Variants in FIG4 observed in about 807,000 individuals in gnomAD.
FIG4 encodes FIG4 phosphoinositide 5-phosphatase.
A neutral mutation model predicts 118.6 loss-of-function variants in FIG4; 112 were observed. The ratio of observed to expected loss-of-function variants is 0.94; its 90% CI spans 0.81 to 1.11. The LOEUF (loss-of-function observed/expected upper bound fraction) is 1.11. FIG4 is among the 50% of genes least tolerant of loss of function. The pLI, the probability that FIG4 is intolerant of heterozygous loss-of-function variation, is 0.00. For missense variants in FIG4, 969 were observed against 1,111.7 expected, an observed-to-expected ratio of 0.87 and a Z score of 1.83; for synonymous variants, 369 against 381.2, an observed-to-expected ratio of 0.97 and a Z score of 0.37.
At position 109,763,927 on chromosome 6, in the gene FIG4, T is replaced by C; in HGVS notation, c.1389-10T>C. On this transcript the variant is annotated splice_polypyrimidine_tract_variant and intron_variant, in intron 12 of 22. Transcript: ENST00000230124. ...TTAAGTTTTTTAAAAGTGTTTATTT[T>C]TAAACACAGGTGGAATGAACTAGGA... The C allele has an allele frequency of 6.3e-7, 1 of 1,598,760 alleles. No individual in the cohort carries two copies. Among genetic ancestry groups the C allele is most frequent in the Non-Finnish European group, 8.6e-7 (1 of 1,166,030 alleles).
chr6:109,814,919 A>C (rs1778819027), intron 22 of FIG4, among the ~76,000 whole-genome samples: 4 of 152,194 alleles, frequency 2.6e-5, no homozygotes. Context: ...CACTGCCCCC[A>C]GGCCCACTCA....
At chr6:109,753,690 A>T (rs1776785959) in intron 10 of FIG4, among the ~76,000 whole-genome samples, 1 of 151,968 alleles carries the variant, frequency 6.6e-6, no homozygotes. Flanking sequence ...TAGGTATTTT[A>T]TTCTCTTTGA....
rs1286659527 is a variant in FIG4 at position 109,742,994 on chromosome 6, CAAAGAATAGGAATTATAACTTCATTG to C, written c.877-85_877-60del. Reference sequence around the variant, plus strand: ...ATCAATATTTACCTCTCAAGACTTTCAAAGAATAGGAATTATAACTTCATTGAAAGAATAGGAATTATAACTTCATT... The same window carrying C: ...ATCAATATTTACCTCTCAAGACTTTCAAAGAATAGGAATTATAACTTCATT... On this transcript the variant is annotated intron_variant, in intron 8 of 22. Coordinates refer to ENST00000230124, the MANE Select transcript of FIG4 (RefSeq NM_014845.6). 8 of 952,430 alleles carry C rather than the reference CAAAGAATAGGAATTATAACTTCATTG, an allele frequency of 8.4e-6. 1 individual carries two copies. Among genetic ancestry groups the C allele is most frequent in the African/African-American group, 1.6e-5 (1 of 61,196 alleles). 59.0% of individuals were successfully genotyped at this position (952,430 alleles called of 1,614,324 possible).
At chr6:109,824,730 G>A (rs144153828) in intron 22 of FIG4, among the ~76,000 whole-genome samples, 23 of 152,284 alleles carry the variant, frequency 1.5e-4, no homozygotes, top group Non-Finnish European at 3.1e-4. Flanking sequence ...AGTCCCTAGC[G>A]TGTGCCAAGG....
chr6:109,743,844 G>T lies in FIG4; in HGVS notation c.1137+72G>T, dbSNP rs927204588. On this transcript the variant is annotated intron_variant, in intron 10 of 22. Transcript: ENST00000230124. ...AAGCCTCTTCCTCAACACAGAGGGG[G>T]TTAACAAGCCATGCTTTCCCTCTTC... 223 of 1,040,550 alleles carry T rather than the reference G, an allele frequency of 2.1e-4. 3 individuals carry two copies. The Middle Eastern group carries it at 2.3e-3, about 11-fold the overall frequency. The allele number at this position is 1,040,550 out of a possible 1,614,324, so 64.5% of individuals were successfully genotyped here.
chr6:109,755,791 A>G (rs960679156), intron 10 of FIG4, among the ~76,000 whole-genome samples: 51 of 152,254 alleles, frequency 3.3e-4, no homozygotes, highest in African/African-American at 9.9e-4. Flanking sequence ...TTTGCTTGGT[A>G]GATCTTCCTC....
At chr6:109,729,068 A>G (rs1480452698) in intron 4 of FIG4, among the ~76,000 whole-genome samples, 1 of 152,292 alleles carries the variant, frequency 6.6e-6, no homozygotes, top group East Asian at 1.9e-4. Context: ...ATATAATCCA[A>G]TAGTGTATCT....
chr6:109,752,265 T>A (rs1776732146), intron 10 of FIG4, among the ~76,000 whole-genome samples: 1 of 151,556 alleles, frequency 6.6e-6, no homozygotes, highest in African/African-American at 2.4e-5. Flanking sequence ...TGGTTCCAAG[T>A]CTTTGCTATT....
intron 1 of FIG4, among the ~76,000 whole-genome samples, chr6:109,711,385 C>G (rs6568599): frequency 0.021 from 3,173 of 152,052 alleles, 99 homozygotes; most frequent in African/African-American, 0.073. Flanking sequence ...GGCGACAGAG[C>G]AAGACTCCAT....
chr6:109,765,275 G>T, intron 14 of FIG4, 114 bp downstream of exon 14: 1 of 824,944 alleles, frequency 1.2e-6, no homozygotes, highest in Non-Finnish European at 2.0e-6. Flanking sequence ...AAATTATGTT[G>T]CTAGAAAACA....
At chr6:109,791,717 T>C in intron 20 of FIG4, 146 bp downstream of exon 20, 1 of 730,746 alleles carries the variant, frequency 1.4e-6, no homozygotes, top group Non-Finnish European at 2.4e-6. Flanking sequence ...ATGAATACAT[T>C]TAGCATTTAC....
At chr6:109,785,901 A>G (rs1295997781) in intron 17 of FIG4, 3 of 320,916 alleles carry the variant, frequency 9.3e-6, no homozygotes, top group African/African-American at 6.5e-5. Flanking sequence ...GAGAAAGGAA[A>G]GGGTTTTAAC....
chr6:109,738,395 A>G lies in FIG4; in HGVS notation c.717A>G (p.Lys239=), dbSNP rs750904354. 82 of 1,612,208 alleles carry G rather than the reference A, an allele frequency of 5.1e-5. No individual in the cohort carries two copies. The Admixed American group carries it at 1.4e-3, about 27-fold the overall frequency. The change falls in exon 7 of 23, where the codon AAA becomes AAG. Residue 239 remains lysine (K), a synonymous_variant. Transcript: ENST00000230124. ...VWNGELLDII[K]STVHRDWLLY... The stretch of plus-strand genomic sequence containing the variant: ...ATGGTGAACTTCTGGATATAATTAA[A>G]AGTACTGTGCATCGTGACTGGCTTT...
intron 1 of FIG4, among the ~76,000 whole-genome samples, chr6:109,692,627 T>G (rs1364225887): frequency 6.6e-6 from 1 of 152,240 alleles, no homozygotes; most frequent in South Asian, 2.1e-4. Flanking sequence ...AAGTATCATT[T>G]GTCATTGAAA....
chr6:109,795,576 TG>T (rs1778261356), intron 21 of FIG4, among the ~76,000 whole-genome samples: 5 of 150,598 alleles, frequency 3.3e-5, no homozygotes, highest in African/African-American at 1.2e-4. Context: ...TAAGGAAATC[TG>T]TTCTTTTGGT....
intron 1 of FIG4, among the ~76,000 whole-genome samples, chr6:109,710,909 TA>T (rs1554298937): frequency 0.041 from 6,074 of 149,480 alleles, 292 homozygotes; most frequent in African/African-American, 0.12. Flanking sequence ...TATTAGTTTT[TA>T]AAAAAAAAAA....
At chr6:109,736,108 G>A (rs1776152682) in intron 6 of FIG4, among the ~76,000 whole-genome samples, 1 of 152,148 alleles carries the variant, frequency 6.6e-6, no homozygotes, top group South Asian at 2.1e-4. Context: ...CACTTTAGTT[G>A]TGTTCAGCTG....
chr6:109,788,075 A>G (rs1314951016), intron 18 of FIG4, among the ~76,000 whole-genome samples: 6 of 152,178 alleles, frequency 3.9e-5, no homozygotes, highest in Non-Finnish European at 7.3e-5. Context: ...TTGCACAACC[A>G]TAAGCTAATG....
chr6:109,823,271 A>G (rs1056871988), intron 22 of FIG4, among the ~76,000 whole-genome samples: 9 of 152,046 alleles, frequency 5.9e-5, no homozygotes, highest in Admixed American at 6.6e-5. Flanking sequence ...TATAACCAAA[A>G]TGTCACTGAC....
Sources: gnomAD v4.1 joint callset for allele counts (sites outside exome capture counted in the v4.1 genomes callset) on GRCh38, gnomAD v4.1.1 for gene constraint, MANE v1.5 for transcripts, NCBI Gene and HGNC (gene_info 2026-07-23, HGNC 2026-07-21) for gene names.